TMEM117: variants seen among roughly 807,000 people sequenced by gnomAD.
The protein encoded by TMEM117 is transmembrane protein 117.
A neutral mutation model predicts 52.4 loss-of-function variants in TMEM117; 27 were observed. The ratio of observed to expected loss-of-function variants is 0.51; its 90% CI spans 0.38 to 0.71. The LOEUF is 0.71. Among genes scored for constraint, TMEM117 ranks in the 30% least tolerant of loss-of-function variants. The pLI is 0.00. For missense variants in TMEM117, 556 were observed against 630.5 expected, an observed-to-expected ratio of 0.88 and a Z score of 1.26; for synonymous variants, 215 against 206.3, an observed-to-expected ratio of 1.04 and a Z score of -0.36.
At chr12:44,199,856 G>A (rs1432308650) in intron 4 of TMEM117, among the ~76,000 whole-genome samples, 3 of 152,060 alleles carry the variant, frequency 2.0e-5, no homozygotes, top group Admixed American at 1.3e-4. Context: ...GGTGGCTCAC[G>A]CCTGTAATAC....
intron 7 of TMEM117, among the ~76,000 whole-genome samples, chr12:44,381,844 C>T (rs1018389989): frequency 1.3e-5 from 2 of 151,946 alleles, no homozygotes; most frequent in African/African-American, 4.8e-5. Flanking sequence ...CTGTATGAAT[C>T]AGGCCATGAG....
chr12:44,359,883 A>C (rs1267520548), intron 6 of TMEM117, among the ~76,000 whole-genome samples: 1 of 152,116 alleles, frequency 6.6e-6, no homozygotes, highest in African/African-American at 2.4e-5. Context: ...GTTAGCAATT[A>C]TTTTTGTCTG....
the TMEM117 span, among the ~76,000 whole-genome samples, chr12:43,808,392 T>A: frequency 6.6e-6 from 1 of 152,138 alleles, no homozygotes; most frequent in Non-Finnish European, 1.5e-5. Flanking sequence ...GTCAAATCAT[T>A]CTTGGCCAAG....
At chr12:44,022,923 G>C (rs886278029) in intron 3 of TMEM117, among the ~76,000 whole-genome samples, 3 of 152,114 alleles carry the variant, frequency 2.0e-5, no homozygotes, top group African/African-American at 7.2e-5. Context: ...ATGAGGTCTG[G>C]CGTCTAATCA....
At chr12:44,362,708 TTAGAG>T (rs1193020417) in intron 6 of TMEM117, among the ~76,000 whole-genome samples, 3 of 152,108 alleles carry the variant, frequency 2.0e-5, no homozygotes, top group African/African-American at 7.2e-5. Context: ...TCAAAGATAG[TTAGAG>T]TAAAGAGAAG....
intron 2 of TMEM117, among the ~76,000 whole-genome samples, chr12:43,917,606 C>T (rs765798476): frequency 6.6e-6 from 1 of 152,056 alleles, no homozygotes; most frequent in South Asian, 2.1e-4. Context: ...ACCCATTATG[C>T]ATATCATAAA....
chr12:43,824,701 C>T, the TMEM117 span, among the ~76,000 whole-genome samples: 9 of 152,042 alleles, frequency 5.9e-5, no homozygotes, highest in East Asian at 1.9e-4. Context: ...TTTGGGAGGC[C>T]GAGGCAGGCG....
intron 6 of TMEM117, among the ~76,000 whole-genome samples, chr12:44,350,206 A>T (rs892834205): frequency 6.6e-6 from 1 of 152,006 alleles, no homozygotes; most frequent in Admixed American, 6.6e-5. Context: ...TTGTGAGTAC[A>T]TACTAGGTAT....
chr12:43,795,839 A>T, the TMEM117 span: 1 of 1,356,120 alleles, frequency 7.4e-7, no homozygotes, highest in Non-Finnish European at 1.0e-6. Flanking sequence ...ATGCTCACAA[A>T]TAATACCCTT....
intron 5 of TMEM117, among the ~76,000 whole-genome samples, chr12:44,281,125 C>T (rs1949167311): frequency 6.6e-6 from 1 of 152,124 alleles, no homozygotes; most frequent in Non-Finnish European, 1.5e-5. Flanking sequence ...AATCTTTCCC[C>T]TTAGAATTTA....
intron 6 of TMEM117, among the ~76,000 whole-genome samples, chr12:44,307,493 T>C (rs928511304): frequency 6.6e-6 from 1 of 152,238 alleles, no homozygotes; most frequent in African/African-American, 2.4e-5. Context: ...GCTTCTGTTA[T>C]AGGGTCCCAA....
chr12:44,308,875 TCCCAAA>T (rs554749177), intron 6 of TMEM117, among the ~76,000 whole-genome samples: 163 of 152,312 alleles, frequency 1.1e-3, no homozygotes, highest in Middle Eastern at 0.01. Flanking sequence ...CACCTTGGCC[TCCCAAA>T]GTGCTGGGAT....
intron 3 of TMEM117, among the ~76,000 whole-genome samples, chr12:43,989,494 G>T (rs564750549): frequency 2.0e-5 from 3 of 151,642 alleles, no homozygotes; most frequent in Non-Finnish European, 4.4e-5. Context: ...TGTTCTACCC[G>T]TGGCTGGTTT....
At chr12:44,263,714 A>G (rs1950346717) in intron 5 of TMEM117, 1 of 152,214 alleles carries the variant, frequency 6.6e-6, no homozygotes, top group African/African-American at 2.4e-5. Context: ...AAGAGGGGTA[A>G]TTAGCCATTT....
Position 44,388,396 on chromosome 12 carries a change from C to T in TMEM117, c.1269C>T (p.Arg423=), listed in dbSNP as rs770930834. 11 of 1,613,212 alleles carry T rather than the reference C, an allele frequency of 6.8e-6. No individual in the cohort carries two copies. The highest frequency in any genetic ancestry group is 9.3e-6 in the Non-Finnish European group (11 of 1,179,626). The change falls in exon 8 of 8, where the codon CGC becomes CGT. Residue 423 remains arginine (R), a synonymous_variant. Transcript: ENST00000266534. ...FFGRFLKNEP[R]MENQDKTYTR... The stretch of plus-strand genomic sequence containing the variant: ...GACGATTTTTGAAAAATGAGCCACG[C>T]ATGGAGAATCAAGACAAAACTTACA...
rs764927035 is a variant in TMEM117 at position 44,368,116 on chromosome 12, G to A, written c.769-8479G>A. Among the ~76,000 whole-genome samples the A allele has an allele frequency of 6.8e-4, 103 of 152,130 alleles. 2 individuals are homozygous for A. In the Middle Eastern group the frequency reaches 0.01, roughly 15 times the overall value. ...CTCTAGCTGATATGATCCTCCTCCA[G>A]AGCTTCTCAGGGCTTCCTCTTTCAT... On this transcript the variant is annotated intron_variant, in intron 6 of 7. Coordinates refer to ENST00000266534, the MANE Select transcript of TMEM117 (RefSeq NM_032256.3).
chr12:44,167,497 T>A (rs1943001190), intron 4 of TMEM117, among the ~76,000 whole-genome samples: 1 of 151,894 alleles, frequency 6.6e-6, no homozygotes, highest in African/African-American at 2.4e-5. Flanking sequence ...TGAAACCCCG[T>A]CTCTACTAAA....
chr12:44,202,384 A>G (rs1299901409), intron 4 of TMEM117, among the ~76,000 whole-genome samples: 10 of 147,220 alleles, frequency 6.8e-5, no homozygotes, highest in Admixed American at 5.3e-4. Flanking sequence ...TTCTGCATCT[A>G]TTAAGATGAT....
intron 2 of TMEM117, among the ~76,000 whole-genome samples, chr12:43,890,631 A>G (rs1269484377): frequency 6.6e-6 from 1 of 152,020 alleles, no homozygotes; most frequent in Non-Finnish European, 1.5e-5. Context: ...TCCTGGGTTC[A>G]AGGGATTCTC....
Sources: allele counts gnomAD v4.1 joint callset (sites outside exome capture counted in the v4.1 genomes callset), GRCh38; gene constraint gnomAD v4.1.1; transcripts MANE v1.5; gene names NCBI Gene and HGNC (gene_info 2026-07-23, HGNC 2026-07-21).